Variants in NRG3 observed in about 807,000 individuals in gnomAD.
NRG3 encodes neuregulin 3.
NRG3 carries 31 observed loss-of-function variants against 66.9 expected under a neutral mutation model. That is an observed-to-expected ratio of 0.46 (90% CI 0.35 to 0.63). The LOEUF (loss-of-function observed/expected upper bound fraction) is 0.63, where lower values mean the gene tolerates loss of function less well. NRG3 is among the 20% of genes least tolerant of loss of function. The pLI, the probability that NRG3 is intolerant of heterozygous loss-of-function variation, is 0.00. For synonymous variants in NRG3, 393 were observed against 359.4 expected, an observed-to-expected ratio of 1.09 and a Z score of -1.06; for missense variants, 910 against 878.9, an observed-to-expected ratio of 1.04 and a Z score of -0.45.
At chr10:82,367,250 G>A (rs987844009) in intron 2 of NRG3, among the ~76,000 whole-genome samples, 3 of 152,166 alleles carry the variant, frequency 2.0e-5, no homozygotes, top group Admixed American at 2.0e-4. Flanking sequence ...CATAATATAT[G>A]TGAATGTCAA....
intron 1 of NRG3, among the ~76,000 whole-genome samples, chr10:82,316,619 G>A (rs1044184293): frequency 1.7e-4 from 26 of 152,104 alleles, no homozygotes; most frequent in East Asian, 3.9e-4. Context: ...GCTCCTGGCC[G>A]CACTTCTGTC....
At chr10:82,141,590 T>G (rs1371212728) in intron 1 of NRG3, among the ~76,000 whole-genome samples, 8 of 152,164 alleles carry the variant, frequency 5.3e-5, no homozygotes, top group Non-Finnish European at 1.2e-4. Context: ...AACTTTTCAC[T>G]TCTGTGAAGC....
chr10:82,651,404 G>A (rs145324017), intron 2 of NRG3, among the ~76,000 whole-genome samples: 1 of 152,226 alleles, frequency 6.6e-6, no homozygotes, highest in Non-Finnish European at 1.5e-5. Flanking sequence ...AAATATTGAT[G>A]AAGTGAAGGA....
intron 2 of NRG3, among the ~76,000 whole-genome samples, chr10:82,616,611 G>A (rs1369786590): frequency 6.6e-6 from 1 of 152,126 alleles, no homozygotes; most frequent in African/African-American, 2.4e-5. Flanking sequence ...ATCATATTGT[G>A]ATAAATCATA....
intron 2 of NRG3, among the ~76,000 whole-genome samples, chr10:82,477,652 G>T (rs1171278395): frequency 6.6e-6 from 1 of 152,110 alleles, no homozygotes; most frequent in Non-Finnish European, 1.5e-5. Flanking sequence ...ATGTTTTTTA[G>T]CAGGCAAGAG....
chr10:82,816,215 C>T (rs531320113), intron 3 of NRG3, among the ~76,000 whole-genome samples: 1 of 152,336 alleles, frequency 6.6e-6, no homozygotes, highest in East Asian at 1.9e-4. Flanking sequence ...TTTGTTACAG[C>T]TCTTCTAGTC....
chr10:81,978,688 A>G (rs1456908225), intron 1 of NRG3, among the ~76,000 whole-genome samples: 1 of 151,880 alleles, frequency 6.6e-6, no homozygotes, highest in African/African-American at 2.4e-5. Context: ...TAAACTCTTA[A>G]TATCATATAT....
intron 2 of NRG3, among the ~76,000 whole-genome samples, chr10:82,597,188 G>A (rs1188835257): frequency 6.6e-6 from 1 of 152,160 alleles, no homozygotes; most frequent in African/African-American, 2.4e-5. Context: ...ATGTGTGTAT[G>A]TTTGCATGTG....
intron 4 of NRG3, among the ~76,000 whole-genome samples, chr10:82,918,001 T>TATATAC (rs1846043395): frequency 7.1e-6 from 1 of 140,106 alleles, no homozygotes; most frequent in South Asian, 2.3e-4. Flanking sequence ...TATGTATGTA[T>TATATAC]GTATCTCTCT....
intron 1 of NRG3, among the ~76,000 whole-genome samples, chr10:81,999,396 A>T (rs2061077763): frequency 6.6e-6 from 1 of 152,202 alleles, no homozygotes; most frequent in African/African-American, 2.4e-5. Context: ...AAGAATTGAG[A>T]TCATTCTAGA....
rs1852578910 is a variant in NRG3, at chr10:82,978,993, C to T, written c.1456C>T (p.Leu486Phe). The T allele has an allele frequency of 6.2e-7, 1 of 1,613,894 alleles. No individual in the cohort carries two copies. The highest frequency in any genetic ancestry group is 8.5e-7 in the Non-Finnish European group (1 of 1,179,960). The change falls in exon 8 of 9, where the codon CTC becomes TTC. Residue 486 changes from leucine to phenylalanine, a missense_variant. Physicochemically the swap from Leu to Phe is conservative, Grantham distance 22. Coordinates refer to ENST00000372141, the MANE Select transcript of NRG3 (RefSeq NM_001010848.4). Reference sequence around the variant, plus strand: ...CAGCCCAGGGCAAAGAAGTGGCATGCTCCATAGGAATGCCTTCAGAAGGAC... The same window carrying T: ...CAGCCCAGGGCAAAGAAGTGGCATGTTCCATAGGAATGCCTTCAGAAGGAC... ...CCSPGQRSGMLHRNAFRRTPP... is the reference protein window; with the variant it reads ...CCSPGQRSGMFHRNAFRRTPP...
At chr10:82,158,270 A>G (rs935354997) in intron 1 of NRG3, among the ~76,000 whole-genome samples, 1 of 151,836 alleles carries the variant, frequency 6.6e-6, no homozygotes, top group African/African-American at 2.4e-5. Context: ...TCATTGTTAC[A>G]AATAATTTTC....
intron 2 of NRG3, among the ~76,000 whole-genome samples, chr10:82,423,631 G>C (rs575861664): frequency 8.6e-5 from 13 of 152,018 alleles, no homozygotes; most frequent in African/African-American, 2.6e-4. Context: ...ACACTTTTAA[G>C]TCTATTTTTT....
intron 1 of NRG3, among the ~76,000 whole-genome samples, chr10:82,230,683 A>T (rs1032481388): frequency 7.2e-5 from 11 of 152,170 alleles, no homozygotes; most frequent in Admixed American, 6.5e-4. Flanking sequence ...TTCTATCTGC[A>T]TTGATAAGTA....
intron 2 of NRG3, among the ~76,000 whole-genome samples, chr10:82,387,960 A>G (rs962166108): frequency 6.6e-6 from 1 of 152,192 alleles, no homozygotes; most frequent in Non-Finnish European, 1.5e-5. Flanking sequence ...GTTGTTGATG[A>G]GCAGGTGGGA....
At chr10:82,050,774 C>G (rs1225305540) in intron 1 of NRG3, among the ~76,000 whole-genome samples, 1 of 89,182 alleles carries the variant, frequency 1.1e-5, no homozygotes, top group Admixed American at 1.2e-4. Flanking sequence ...CATCTCTACC[C>G]CTTGCTTCCT....
intron 2 of NRG3, among the ~76,000 whole-genome samples, chr10:82,682,269 A>G (rs1169081027): frequency 1.3e-5 from 2 of 150,730 alleles, no homozygotes; most frequent in East Asian, 1.9e-4. Flanking sequence ...TCACATGCAC[A>G]TTGTCCCTTC....
At chr10:82,746,695 T>G (rs2058659779) in intron 3 of NRG3, among the ~76,000 whole-genome samples, 1 of 152,212 alleles carries the variant, frequency 6.6e-6, no homozygotes, top group African/African-American at 2.4e-5. Context: ...TCACACTTCA[T>G]TATCTATTAT....
At chr10:82,934,195 G>GA (rs1398089235) in intron 4 of NRG3, among the ~76,000 whole-genome samples, 1 of 152,210 alleles carries the variant, frequency 6.6e-6, no homozygotes, top group South Asian at 2.1e-4. Flanking sequence ...TGGGCATGTA[G>GA]AAAAAACAGC....
Sources: allele counts gnomAD v4.1 joint callset (sites outside exome capture counted in the v4.1 genomes callset), GRCh38; gene constraint gnomAD v4.1.1; transcripts MANE v1.5; gene names NCBI Gene and HGNC (gene_info 2026-07-23, HGNC 2026-07-21).